Variants in GLRA2 observed in about 807,000 individuals in gnomAD.
GLRA2 encodes the protein glycine receptor alpha 2.
GLRA2 carries 11 observed loss-of-function variants against 31.6 expected under a neutral mutation model. The ratio of observed to expected loss-of-function variants is 0.35; its 90% confidence interval spans 0.22 to 0.58. GLRA2 has a LOEUF of 0.58. Ranked by LOEUF, GLRA2 falls within the 20% of genes least tolerant of loss-of-function variation. GLRA2 has a pLI of 0.84. For missense variants in GLRA2, 212 were observed against 351.8 expected (o/e 0.60, Z 3.18); for synonymous variants, 132 against 134.0 (o/e 0.99, Z 0.10).
At chrX:14,628,329 C>G (rs767728419) in intron 7 of GLRA2, among the ~76,000 whole-genome samples, 4 of 111,120 alleles carry the variant, frequency 3.6e-5, no homozygotes, top group Admixed American at 2.9e-4. Context: ...AGATGTTTGC[C>G]TTAGTGGCAT....
chrX:14,714,742 G>A (rs995461209), intron 8 of GLRA2, among the ~76,000 whole-genome samples: 3 of 112,532 alleles, frequency 2.7e-5, no homozygotes, highest in Non-Finnish European at 5.6e-5. Context: ...GTTGTATAAT[G>A]ATAGCTAAAT....
intron 8 of GLRA2, among the ~76,000 whole-genome samples, chrX:14,711,774 G>A (rs774744207): frequency 1.8e-5 from 2 of 112,577 alleles, no homozygotes; most frequent in Admixed American, 9.4e-5. Context: ...ATGGTTAGTG[G>A]CAGAGCCAAG....
intron 8 of GLRA2, among the ~76,000 whole-genome samples, chrX:14,701,373 G>A (rs1443696016): frequency 9.0e-6 from 1 of 111,028 alleles, no homozygotes; most frequent in Non-Finnish European, 1.9e-5. Context: ...AAATAAAAAT[G>A]GGCAACCCCT....
At chrX:14,504,820 A>G in the GLRA2 span, among the ~76,000 whole-genome samples, 4 of 112,186 alleles carry the variant, frequency 3.6e-5, no homozygotes, top group East Asian at 1.1e-3. Context: ...CATGGGGCAT[A>G]AAATATATTG....
intron 2 of GLRA2, among the ~76,000 whole-genome samples, chrX:14,569,683 G>A (rs1202147663): frequency 3.6e-5 from 4 of 112,586 alleles, no homozygotes; most frequent in African/African-American, 1.3e-4. Flanking sequence ...AGATGCTATG[G>A]TAAACAGTTT....
At chrX:14,697,356 G>A (rs778610460) in intron 8 of GLRA2, among the ~76,000 whole-genome samples, 9 of 112,074 alleles carry the variant, frequency 8.0e-5, no homozygotes, top group Admixed American at 6.6e-4. Flanking sequence ...GTGGAAACGG[G>A]TTTGGTTGAC....
At chrX:14,730,064 T>C (rs1242136463) in intron 8 of GLRA2, 143 bp from the exon 9 acceptor site, 1 of 501,658 alleles carries the variant, frequency 2.0e-6, no homozygotes, top group East Asian at 3.3e-5. Flanking sequence ...TGAGTTGAAC[T>C]TGAAAGAGAA....
the GLRA2 span, among the ~76,000 whole-genome samples, chrX:14,521,930 A>G: frequency 1.6e-4 from 18 of 112,289 alleles, no homozygotes; most frequent in East Asian, 4.2e-3. Context: ...TCTTGCCTCT[A>G]TGTTGATGGC....
intron 7 of GLRA2, among the ~76,000 whole-genome samples, chrX:14,682,666 C>T (rs1243005866): frequency 9.1e-6 from 1 of 110,178 alleles, no homozygotes; most frequent in Non-Finnish European, 1.9e-5. Context: ...TCATCATTTA[C>T]ATTACGTATA....
intron 7 of GLRA2, 75 bp from the exon 8 acceptor site, chrX:14,690,631 TTTCC>T: frequency 1.4e-6 from 1 of 706,611 alleles, no homozygotes; most frequent in Non-Finnish European, 2.2e-6. Context: ...AAGAATCTGG[TTTCC>T]TGGCAGGCTT....
At chrX:14,706,298 C>G (rs1332166328) in intron 8 of GLRA2, among the ~76,000 whole-genome samples, 1 of 111,885 alleles carries the variant, frequency 8.9e-6, no homozygotes, top group Non-Finnish European at 1.9e-5. Flanking sequence ...GATTCACTAG[C>G]ACATTAAAGC....
chrX:14,560,145 A>G (rs113457788), intron 2 of GLRA2, among the ~76,000 whole-genome samples: 1 of 112,493 alleles, frequency 8.9e-6, no homozygotes, highest in Non-Finnish European at 1.9e-5. Flanking sequence ...ATGCTAGACA[A>G]AATCTTTTTA....
chrX:14,686,617 T>C (rs2091281130), intron 7 of GLRA2, among the ~76,000 whole-genome samples: 1 of 111,694 alleles, frequency 9.0e-6, no homozygotes, highest in African/African-American at 3.3e-5. Context: ...GTCTGTTTTA[T>C]GAGAGACTAG....
intron 7 of GLRA2, among the ~76,000 whole-genome samples, chrX:14,641,990 G>T (rs1466168370): frequency 8.9e-6 from 1 of 112,363 alleles, no homozygotes; most frequent in Non-Finnish European, 1.9e-5. Flanking sequence ...GAAACTAAAA[G>T]ATTTAGGAGG....
chrX:14,681,993 G>GTA (rs1177300108), intron 7 of GLRA2, among the ~76,000 whole-genome samples: 2,119 of 77,071 alleles, frequency 0.027, 71 homozygotes, highest in African/African-American at 0.099. Flanking sequence ...ATTTATATAT[G>GTA]TATGTGTGTG....
the GLRA2 span, among the ~76,000 whole-genome samples, chrX:14,489,493 A>G: frequency 3.1e-4 from 35 of 112,302 alleles, no homozygotes; most frequent in African/African-American, 1.1e-3. Context: ...AAAAGGGGAA[A>G]CAGACTCTTA....
chrX:14,570,996 C>A (rs1185047854), intron 2 of GLRA2, among the ~76,000 whole-genome samples: 1 of 109,446 alleles, frequency 9.1e-6, no homozygotes, highest in Non-Finnish European at 1.9e-5. Flanking sequence ...CCAGGCCACT[C>A]TTTCTCATAA....
rs769520864 is a variant in GLRA2 at position 14,630,254 on chromosome X, C to T, written c.930+21049C>T. Among the ~76,000 whole-genome samples the T allele has an allele frequency of 6.3e-5, 7 of 111,713 alleles. No individual in the cohort carries two copies. In the South Asian group the frequency reaches 2.2e-3, roughly 35 times the overall value. The stretch of plus-strand genomic sequence containing the variant: ...GACCTTTTTTCCCCCTAATAAGTAG[C>T]TTAAAGATGTTTCTCTAATTGTCTT... On this transcript the variant is annotated intron_variant, in intron 7 of 8. Transcript: ENST00000218075.
intron 8 of GLRA2, among the ~76,000 whole-genome samples, chrX:14,729,459 C>A (rs1407521247): frequency 9.0e-6 from 1 of 111,514 alleles, no homozygotes; most frequent in African/African-American, 3.3e-5. Context: ...GGAATAAATA[C>A]AATTTTTCAG....
Sources: allele counts gnomAD v4.1 joint callset (sites outside exome capture counted in the v4.1 genomes callset), GRCh38; gene constraint gnomAD v4.1.1; transcripts MANE v1.5; gene names NCBI Gene and HGNC (gene_info 2026-07-23, HGNC 2026-07-21).